The following HECTD4 variants were observed in gnomAD, a reference collection of about 807,000 sequenced individuals.
The protein encoded by HECTD4 is probable E3 ubiquitin-protein ligase HECTD4.
Under a neutral mutation model 471.5 loss-of-function variants are expected in HECTD4, and 114 were observed. That is an observed-to-expected ratio of 0.24 (90% CI 0.21 to 0.28). HECTD4 has a LOEUF of 0.28. HECTD4 is among the 10% of genes least tolerant of loss of function. HECTD4 has a pLI of 1.00. For missense variants in HECTD4, 3,866 were observed against 5,651.5 expected (o/e 0.68, Z 10.13); for synonymous variants, 2,012 against 2,256.0 (o/e 0.89, Z 3.07).
intron 59 of HECTD4, among the ~76,000 whole-genome samples, chr12:112,191,337 C>T (rs994512168): frequency 6.6e-6 from 1 of 152,180 alleles, no homozygotes; most frequent in Admixed American, 6.5e-5. Flanking sequence ...ATAATCAGTC[C>T]TTTGGTATGG....
At chr12:112,335,163 C>CACACACACACACACACACAG (rs2035927694) in intron 1 of HECTD4, among the ~76,000 whole-genome samples, 1 of 151,992 alleles carries the variant, frequency 6.6e-6, no homozygotes, top group African/African-American at 2.4e-5. Flanking sequence ...CACACACACA[C>CACACACACACACACACACAG]ACAGACACAC....
At chr12:112,201,253 A>T (rs1382149694) in intron 54 of HECTD4, 1 of 309,338 alleles carries the variant, frequency 3.2e-6, no homozygotes, top group Non-Finnish European at 6.3e-6. Context: ...CACTGTGCCC[A>T]GCTAATTTTT....
chr12:112,202,559 C>T (rs1365810413), intron 54 of HECTD4, among the ~76,000 whole-genome samples: 1 of 152,148 alleles, frequency 6.6e-6, no homozygotes, highest in Admixed American at 6.6e-5. Flanking sequence ...AACCTAATAT[C>T]ATCTGTATCT....
At chr12:112,256,649 C>T (rs1465441550) in intron 20 of HECTD4, 131 bp from the exon 21 acceptor site, 3 of 456,318 alleles carry the variant, frequency 6.6e-6, no homozygotes, top group Non-Finnish European at 1.1e-5. Flanking sequence ...TGCTTGATAT[C>T]AGTGGCAATC....
chr12:112,377,592 C>T (rs768251696), intron 1 of HECTD4, among the ~76,000 whole-genome samples: 5 of 152,064 alleles, frequency 3.3e-5, no homozygotes, highest in African/African-American at 9.7e-5. Context: ...GGGAAGAGGC[C>T]GGGTGCGGTG....
Position 112,229,884 on chromosome 12 carries a change from A to T in HECTD4, c.6337-4T>A, listed in dbSNP as rs767272089. On this transcript the variant is annotated splice_polypyrimidine_tract_variant and splice_region_variant and intron_variant, in intron 40 of 75. Coordinates refer to ENST00000682272, the MANE Select transcript of HECTD4 (RefSeq NM_001388303.1). ...ACATCAGTGCTCTAGACAGAACCTA[A>T]ATATAGAAGCAGCCCGTGCACTAGG... 5.6e-6 allele frequency: 9 copies of T among 1,611,246 alleles called. No individual in the cohort carries two copies. Among genetic ancestry groups the T allele is most frequent in the Non-Finnish European group, 7.6e-6 (9 of 1,178,222 alleles).
In HECTD4 at chr12:112,328,225, A is replaced by G. The variant is rs1410263446; in HGVS notation, c.178-8483T>C. ...GCAATCTCAGCTTACTGCAACCTCC[A>G]CCACCTGGGCTCAAGTGATCCTCCC... On this transcript the variant is annotated intron_variant, in intron 1 of 75. Coordinates refer to ENST00000682272, the MANE Select transcript of HECTD4 (RefSeq NM_001388303.1). Among the ~76,000 whole-genome samples the G allele has an allele frequency of 2.6e-5, 4 of 151,896 alleles. No individual in the cohort carries two copies. The South Asian group carries it at 8.3e-4, about 32-fold the overall frequency.
intron 1 of HECTD4, among the ~76,000 whole-genome samples, chr12:112,349,388 CAAA>C (rs60480485): frequency 5.5e-5 from 3 of 54,716 alleles, no homozygotes; most frequent in African/African-American, 6.6e-5. Context: ...ACTCTTGCTC[CAAA>C]AAAAAAAAAA....
At chr12:112,191,485 G>A (rs145187607) in intron 59 of HECTD4, among the ~76,000 whole-genome samples, 54 of 152,272 alleles carry the variant, frequency 3.5e-4, no homozygotes, top group Middle Eastern at 3.4e-3. Context: ...GACCAAAGCT[G>A]TCTACAGTGA....
At chr12:112,217,943 T>C (rs1196972749) in intron 45 of HECTD4, among the ~76,000 whole-genome samples, 2 of 152,142 alleles carry the variant, frequency 1.3e-5, no homozygotes, top group African/African-American at 2.4e-5. Flanking sequence ...CATAAAAATC[T>C]CAAGCTTCTC....
chr12:112,354,596 G>A (rs1290968415), intron 1 of HECTD4, among the ~76,000 whole-genome samples: 3 of 152,040 alleles, frequency 2.0e-5, no homozygotes, highest in Admixed American at 2.0e-4. Context: ...TGAGGGAGGA[G>A]GATTGCATGA....
rs1196447887 is a variant in HECTD4, at chr12:112,258,888, G to A, written c.3027+224C>T. On this transcript the variant is annotated intron_variant, in intron 19 of 75. Coordinates refer to ENST00000682272, the MANE Select transcript of HECTD4 (RefSeq NM_001388303.1). ...AGCATTTTTATAGCTGATCAGCCAT[G>A]AACACTTGCTAAAAGGTTGCAGTTA... is the stretch of plus-strand genomic sequence containing the variant. The A allele has an allele frequency of 1.2e-5, 7 of 576,904 alleles. 1 individual carries two copies. The highest frequency in any genetic ancestry group is 1.8e-5 in the Non-Finnish European group (6 of 336,648). 35.7% of individuals were successfully genotyped at this position (576,904 alleles called of 1,614,324 possible).
rs945545825 is a variant in HECTD4, at chr12:112,162,724, A to C, written c.13121-201T>G. 1.6e-6 allele frequency: 1 copy of C among 613,888 alleles called. No homozygotes were observed. Among genetic ancestry groups the C allele is most frequent in the Non-Finnish European group, 2.8e-6 (1 of 357,088 alleles). 38.0% of individuals were successfully genotyped at this position (613,888 alleles called of 1,614,324 possible). ...AGGGGAGAGAGCTGCTGGACAGCGC[A>C]TGTGCCAAACTGCTGATGGGTTTGT... On this transcript the variant is annotated intron_variant, in intron 75 of 75. Coordinates refer to ENST00000682272, the MANE Select transcript of HECTD4 (RefSeq NM_001388303.1). The surrounding 1 kb of genome is among the most constrained non-coding windows in gnomAD (Gnocchi z 5.2).
At position 112,213,839 on chromosome 12, in the gene HECTD4, C is replaced by G. The variant is rs1317489646; in HGVS notation, c.7466-1189G>C. The stretch of plus-strand genomic sequence containing the variant: ...GAGTTCAAGACCAGCCTAGGCAACA[C>G]AGTGAGACCTCGTCTCTACAAAAAA... On this transcript the variant is annotated intron_variant, in intron 48 of 75. Coordinates refer to ENST00000682272, the MANE Select transcript of HECTD4 (RefSeq NM_001388303.1). The surrounding 1 kb of genome is among the most constrained non-coding windows in gnomAD (Gnocchi z 4.0). Among the ~76,000 whole-genome samples the G allele has an allele frequency of 6.6e-6, 1 of 151,274 alleles. No homozygotes were observed. Among genetic ancestry groups the G allele is most frequent in the Non-Finnish European group, 1.5e-5 (1 of 67,886 alleles).
chr12:112,169,775 G>C (rs780005369), intron 69 of HECTD4, 117 bp from the exon 70 acceptor site: 10 of 1,193,524 alleles, frequency 8.4e-6, no homozygotes, highest in African/African-American at 3.0e-5. Context: ...CTGCTCCCTC[G>C]CTCGGCCCCC....
At chr12:112,329,971 T>A (rs1054175514) in intron 1 of HECTD4, among the ~76,000 whole-genome samples, 2 of 151,920 alleles carry the variant, frequency 1.3e-5, no homozygotes, top group African/African-American at 2.4e-5. Context: ...AAATATTTTT[T>A]AAAAATCAAA....
At chr12:112,292,826 T>C (rs1399634968) in intron 7 of HECTD4, among the ~76,000 whole-genome samples, 1 of 151,884 alleles carries the variant, frequency 6.6e-6, no homozygotes, top group Non-Finnish European at 1.5e-5. Flanking sequence ...TTTGAGACCA[T>C]CCTGGGCAAC....
intron 48 of HECTD4, among the ~76,000 whole-genome samples, chr12:112,216,045 A>C (rs929821947): frequency 6.6e-6 from 1 of 152,164 alleles, no homozygotes; most frequent in African/African-American, 2.4e-5. Flanking sequence ...AAAATCTCTG[A>C]ATTATCTAAT....
rs746336376 is a variant in HECTD4, at chr12:112,230,700, G to A, written c.6323C>T (p.Thr2108Ile). The change falls in exon 40 of 76, where the codon ACA becomes ATA. Residue 2108 changes from threonine to isoleucine, a missense_variant. Around this residue, in one of 16 missense-constraint regions of HECTD4, gnomAD observed 617 missense variants for 915.1 expected, o/e 0.67. Coordinates refer to ENST00000682272, the MANE Select transcript of HECTD4 (RefSeq NM_001388303.1). ...PESNAAQIWT[T>I]TAEKVLSRAL... ...CACTGCGCTAACCTTCTCTGCTGTT[G>A]TGGTCCATATTTGAGCAGCATTTGA... 1.9e-5 allele frequency: 30 copies of A among 1,610,450 alleles called. No individual in the cohort carries two copies. The highest frequency in any genetic ancestry group is 2.5e-5 in the Non-Finnish European group (30 of 1,178,352).
Sources: allele counts gnomAD v4.1 joint callset (sites outside exome capture counted in the v4.1 genomes callset), GRCh38; gene constraint gnomAD v4.1.1; regional missense constraint gnomAD v4.1.1; non-coding constraint Gnocchi (gnomAD v3.1); transcripts MANE v1.5; gene names NCBI Gene and HGNC (gene_info 2026-07-23, HGNC 2026-07-21).